ROBO1: variants seen among roughly 807,000 people sequenced by gnomAD.
ROBO1 encodes roundabout guidance receptor 1, also known as roundabout homolog 1.
In ROBO1, 149 loss-of-function variants were observed where a neutral mutation model predicts 195.9. That is an observed-to-expected ratio of 0.76 (90% CI 0.67 to 0.87). The LOEUF (loss-of-function observed/expected upper bound fraction) is 0.87. Among genes scored for constraint, ROBO1 ranks in the 40% least tolerant of loss-of-function variants. The pLI is 0.00. For missense variants in ROBO1, 1,933 were observed against 2,068.3 expected, an observed-to-expected ratio of 0.93 and a Z score of 1.27; for synonymous variants, 816 against 733.2, an observed-to-expected ratio of 1.11 and a Z score of -1.82.
chr3:78,667,903 G>C lies in ROBO1; in HGVS notation c.1946C>G (p.Ser649Ter). 6.2e-7 allele frequency: 1 copy of C among 1,613,628 alleles called. No homozygotes were observed. Among genetic ancestry groups the C allele is most frequent in the East Asian group, 2.2e-5 (1 of 44,864 alleles). The change falls in exon 14 of 31, where the codon TCA (serine) becomes TGA (stop). Residue 649 changes from serine (S) to a stop codon, truncating the protein, a stop_gained. Coordinates refer to ENST00000464233, the MANE Select transcript of ROBO1 (RefSeq NM_002941.4). LOFTEE classifies it high-confidence loss of function. ...TTTACCTTGTGTTTTCACTGGATCT[G>C]ATATTTGGCTTGGATCACTAATTCC... ...AYGISDPSQI[S>*]DPVKTQDVLP...
intron 3 of ROBO1, among the ~76,000 whole-genome samples, chr3:78,989,825 A>C (rs559295280): frequency 6.6e-6 from 1 of 152,260 alleles, no homozygotes; most frequent in South Asian, 2.1e-4. Flanking sequence ...TTGAAAAAAG[A>C]TACTTCCATT....
chr3:79,510,237 G>T (rs973835443), intron 2 of ROBO1, among the ~76,000 whole-genome samples: 3 of 152,114 alleles, frequency 2.0e-5, no homozygotes, highest in Non-Finnish European at 2.9e-5. Flanking sequence ...GGTGCTCACC[G>T]TCCTGCTGTT....
intron 2 of ROBO1, among the ~76,000 whole-genome samples, chr3:79,232,457 GA>G (rs200523458): frequency 5.6e-5 from 8 of 143,758 alleles, no homozygotes; most frequent in African/African-American, 1.0e-4. Flanking sequence ...AAACTTAAGA[GA>G]AAAAAAAAAC....
At chr3:79,014,013 A>C (rs1417628563) in intron 3 of ROBO1, among the ~76,000 whole-genome samples, 4 of 152,152 alleles carry the variant, frequency 2.6e-5, no homozygotes, top group Non-Finnish European at 5.9e-5. Context: ...AATATTCTAA[A>C]GTCTTATCAT....
At chr3:79,618,701 G>T (rs998183198) in intron 1 of ROBO1, among the ~76,000 whole-genome samples, 1 of 152,140 alleles carries the variant, frequency 6.6e-6, no homozygotes, top group Non-Finnish European at 1.5e-5. Context: ...CTGTTTCATG[G>T]TCTCTTCACA....
intron 4 of ROBO1, among the ~76,000 whole-genome samples, chr3:78,792,182 A>G (rs1431581742): frequency 6.6e-6 from 1 of 152,148 alleles, no homozygotes; most frequent in Non-Finnish European, 1.5e-5. Flanking sequence ...ATGCCCTACC[A>G]TCTGGTGTGA....
intron 3 of ROBO1, among the ~76,000 whole-genome samples, chr3:78,958,956 C>T (rs1251674288): frequency 6.6e-6 from 1 of 151,654 alleles, no homozygotes; most frequent in Non-Finnish European, 1.5e-5. Context: ...CACAGGTGTA[C>T]ACTGCCACAC....
chr3:78,612,354 T>C (rs2107341801), intron 28 of ROBO1, among the ~76,000 whole-genome samples: 1 of 152,298 alleles, frequency 6.6e-6, no homozygotes, highest in East Asian at 1.9e-4. Context: ...CTCTTTAAAT[T>C]TTTTCTTCCT....
intron 3 of ROBO1, among the ~76,000 whole-genome samples, chr3:78,949,922 A>G (rs1451716380): frequency 6.6e-6 from 1 of 152,250 alleles, no homozygotes; most frequent in Non-Finnish European, 1.5e-5. Context: ...GCTCATCATC[A>G]CTGGCCATCA....
chr3:79,736,230 T>G (rs1468485829), intron 1 of ROBO1, among the ~76,000 whole-genome samples: 1 of 152,120 alleles, frequency 6.6e-6, no homozygotes, highest in Non-Finnish European at 1.5e-5. Flanking sequence ...TAACGGAGCT[T>G]GATGCATCCA....
intron 3 of ROBO1, 39 bp from the exon 4 acceptor site, chr3:78,938,966 G>C (rs2039973576): frequency 2.0e-6 from 3 of 1,514,530 alleles, no homozygotes; most frequent in Non-Finnish European, 2.7e-6. Context: ...TATATCACTT[G>C]AAAACAGTTA....
intron 2 of ROBO1, among the ~76,000 whole-genome samples, chr3:79,398,079 A>T (rs2037219352): frequency 6.6e-6 from 1 of 152,158 alleles, no homozygotes; most frequent in Non-Finnish European, 1.5e-5. Flanking sequence ...AATAGTGCTA[A>T]AACAAGATTT....
intron 1 of ROBO1, among the ~76,000 whole-genome samples, chr3:79,615,197 C>T (rs555006850): frequency 6.6e-6 from 1 of 152,268 alleles, no homozygotes; most frequent in African/African-American, 2.4e-5. Context: ...CTGAAGGCTT[C>T]TTCAGCATAA....
intron 2 of ROBO1, among the ~76,000 whole-genome samples, chr3:79,547,790 T>G (rs1449686898): frequency 6.6e-6 from 1 of 152,216 alleles, no homozygotes; most frequent in African/African-American, 2.4e-5. Context: ...GAAATTTATC[T>G]CTTTGTTTTT....
At chr3:78,972,977 A>C (rs1576493949) in intron 3 of ROBO1, among the ~76,000 whole-genome samples, 1 of 152,234 alleles carries the variant, frequency 6.6e-6, no homozygotes, top group Admixed American at 6.5e-5. Context: ...AAGTAGAAAA[A>C]TAAAACAACC....
chr3:78,761,208 T>C (rs560750087), intron 4 of ROBO1, among the ~76,000 whole-genome samples: 16 of 152,018 alleles, frequency 1.1e-4, no homozygotes, highest in Admixed American at 2.0e-4. Flanking sequence ...CTTTTGAAAA[T>C]GCCCTGCAAC....
chr3:79,364,457 A>AT (rs916200706), intron 2 of ROBO1, among the ~76,000 whole-genome samples: 2 of 151,734 alleles, frequency 1.3e-5, no homozygotes, highest in African/African-American at 2.4e-5. Flanking sequence ...TTAACAGCTA[A>AT]TTACCCTCCC....
chr3:78,939,090 A>T (rs1009027994), intron 3 of ROBO1, among the ~76,000 whole-genome samples, 163 bp from the exon 4 acceptor site: 1 of 152,004 alleles, frequency 6.6e-6, no homozygotes, highest in Non-Finnish European at 1.5e-5. Context: ...CCTTGACTAC[A>T]CCTTCCAATT....
intron 1 of ROBO1, among the ~76,000 whole-genome samples, chr3:79,622,552 T>C (rs562589123): frequency 6.6e-6 from 1 of 152,200 alleles, no homozygotes; most frequent in Non-Finnish European, 1.5e-5. Flanking sequence ...CAGCCCAACA[T>C]ACTGGCTGTG....
Sources: gnomAD v4.1 joint callset for allele counts (sites outside exome capture counted in the v4.1 genomes callset) on GRCh38, gnomAD v4.1.1 for gene constraint, MANE v1.5 for transcripts, NCBI Gene and HGNC (gene_info 2026-07-23, HGNC 2026-07-21) for gene names.